The following ZNF496 variants were observed in gnomAD, a reference collection of about 807,000 sequenced individuals.
ZNF496 encodes the protein zinc finger protein 496, also known as NSD1 (nuclear receptor binding SET-domain containing 1)-interacting zinc finger protein 1.
Under a neutral mutation model 58.9 loss-of-function variants are expected in ZNF496, and 11 were observed. The ratio of observed to expected loss-of-function variants is 0.19; its 90% CI spans 0.12 to 0.31. The LOEUF (loss-of-function observed/expected upper bound fraction) is 0.31. Ranked by LOEUF, ZNF496 falls within the 10% of genes least tolerant of loss-of-function variation. The pLI, the probability that ZNF496 is intolerant of heterozygous loss-of-function variation, is 1.00. For missense variants in ZNF496, 660 were observed against 783.0 expected, an observed-to-expected ratio of 0.84 and a Z score of 1.88; for synonymous variants, 338 against 318.2, an observed-to-expected ratio of 1.06 and a Z score of -0.66.
intron 6 of ZNF496, chr1:247,313,690 T>C (rs1453289686): frequency 6.6e-6 from 1 of 152,230 alleles, no homozygotes; most frequent in Non-Finnish European, 1.5e-5. Context: ...ATGTGCAACG[T>C]AGTCTACAAA....
rs112741017 is a variant in ZNF496, at chr1:247,308,376, C to T, written c.1006+99G>A. On this transcript the variant is annotated intron_variant, in intron 9 of 9. Transcript: ENST00000682384. This position sits in a 1 kb window ranked among gnomAD's most constrained non-coding sequence, Gnocchi z 4.5. ...ATGTGTATGCACGCACACATGCATT[C>T]AACACAACCATCCCCTATGCCACAC... 3.5e-3 allele frequency: 3,854 copies of T among 1,111,390 alleles called. 72 individuals carry two copies. In the African/African-American group the frequency reaches 0.043, roughly 12 times the overall value. The allele number at this position is 1,111,390 out of a possible 1,614,324, so 68.8% of individuals were successfully genotyped here.
At chr1:247,328,900 G>A (rs778554453) in intron 4 of ZNF496, 34 bp from the exon 5 acceptor site, 3 of 1,556,468 alleles carry the variant, frequency 1.9e-6, no homozygotes, top group South Asian at 1.2e-5. Context: ...CAGGGCTAGG[G>A]GAAGAGGTCC....
rs531854783 is a variant in ZNF496, at chr1:247,316,135, G to GGGGT, written c.652-5680_652-5679insACCC. On this transcript the variant is annotated intron_variant, in intron 6 of 9. Coordinates refer to ENST00000682384, the MANE Select transcript of ZNF496 (RefSeq NM_032752.3). Reference sequence around the variant, plus strand: ...CTCTGACACGACTTCCTGGGAGAGGGGTGTGTGTGTGTGTGTGTGTGTGTG... The same window carrying GGGGT: ...CTCTGACACGACTTCCTGGGAGAGGGGGGTGTGTGTGTGTGTGTGTGTGTGTGTG... Among the ~76,000 whole-genome samples the GGGGT allele has an allele frequency of 5.0e-5, 7 of 139,926 alleles. No individual in the cohort carries two copies. The East Asian group carries it at 6.7e-4, about 13-fold the overall frequency. The allele number at this position is 139,926 out of a possible 152,430, so 91.8% of individuals were successfully genotyped here.
At chr1:247,317,282 G>A (rs1287969198) in intron 6 of ZNF496, among the ~76,000 whole-genome samples, 1 of 152,126 alleles carries the variant, frequency 6.6e-6, no homozygotes. Context: ...AGCCGAAGGA[G>A]CCAGCTACCA....
At chr1:247,302,689 G>A (rs952176147) in intron 9 of ZNF496, among the ~76,000 whole-genome samples, 2 of 152,070 alleles carry the variant, frequency 1.3e-5, no homozygotes, top group Non-Finnish European at 2.9e-5. Flanking sequence ...CGAGCTGCAG[G>A]AACCTCGTTC....
intron 6 of ZNF496, 93 bp from the exon 7 acceptor site, chr1:247,310,549 G>C (rs35754842): frequency 6.6e-7 from 1 of 1,504,656 alleles, no homozygotes; most frequent in South Asian, 1.2e-5. Flanking sequence ...CAACGCTGTA[G>C]GACGGGCAGT....
At chr1:247,311,660 G>A (rs1659607558) in intron 6 of ZNF496, 1 of 152,170 alleles carries the variant, frequency 6.6e-6, no homozygotes, top group Non-Finnish European at 1.5e-5. Flanking sequence ...ACTGTGTTGG[G>A]AGGTGACCCC....
chr1:247,317,571 C>T (rs913533109), intron 6 of ZNF496, among the ~76,000 whole-genome samples: 5 of 69,706 alleles, frequency 7.2e-5, no homozygotes, highest in African/African-American at 1.8e-4. Flanking sequence ...TAAGAACAAG[C>T]CCCCCCCCCG....
chr1:247,318,928 T>G (rs1471328273), intron 6 of ZNF496, among the ~76,000 whole-genome samples: 2 of 30,658 alleles, frequency 6.5e-5, no homozygotes, highest in Non-Finnish European at 2.9e-4. Flanking sequence ...TTTAAACAAC[T>G]GCATTATAAT....
At chr1:247,322,942 T>C in intron 6 of ZNF496, 1 of 741,864 alleles carries the variant, frequency 1.3e-6, no homozygotes, top group East Asian at 3.0e-5. Context: ...GGTGGCCTGA[T>C]GACAGTAGAC....
In ZNF496 at chr1:247,300,901, T is replaced by C. The variant is rs1160820344; in HGVS notation, c.1382A>G (p.Lys461Arg). ...CCCGCAGGCACCACACCGGTAAGGCTTCTGGGCCTCGTGGCTCTCTAGGTG... is the reference window on the plus strand; with the variant it reads ...CCCGCAGGCACCACACCGGTAAGGCCTCTGGGCCTCGTGGCTCTCTAGGTG... ...DGHLESHEAQ[K>R]PYRCGACGKS... Residue 461 changes from lysine to arginine, a missense_variant, in exon 10 of 10, where the codon AAG becomes AGG. By Grantham distance (26) the Lys-to-Arg change is conservative. Transcript: ENST00000682384. The surrounding 1 kb of genome is among the most constrained non-coding windows in gnomAD (Gnocchi z 5.7). The C allele has an allele frequency of 6.2e-7, 1 of 1,612,870 alleles. No homozygotes were observed. Among genetic ancestry groups the C allele is most frequent in the Admixed American group, 1.7e-5 (1 of 59,996 alleles).
chr1:247,308,701 G>A lies in ZNF496; in HGVS notation c.893-113C>T, dbSNP rs529123651. 43 of 1,007,090 alleles carry A rather than the reference G, an allele frequency of 4.3e-5. No homozygotes were observed. In the South Asian group the frequency reaches 4.8e-4, roughly 11 times the overall value. 62.4% of individuals were successfully genotyped at this position (1,007,090 alleles called of 1,614,324 possible). A position where few individuals can be genotyped will look rare whatever the true frequency, so the allele number is the denominator to read the frequency against. ...CGATCTGGGGGCGGCCCTGGGCTCC[G>A]TCCTGGGGACTGGCAGGGGGTGGCC... On this transcript the variant is annotated intron_variant, in intron 8 of 9. Coordinates refer to ENST00000682384, the MANE Select transcript of ZNF496 (RefSeq NM_032752.3). The surrounding 1 kb of genome is among the most constrained non-coding windows in gnomAD (Gnocchi z 4.5).
intron 9 of ZNF496, chr1:247,307,887 C>T: frequency 1.0e-6 from 1 of 985,396 alleles, no homozygotes; most frequent in Non-Finnish European, 1.2e-6. Flanking sequence ...CAAGACGACT[C>T]AGAGTCTACA....
intron 5 of ZNF496, among the ~76,000 whole-genome samples, chr1:247,327,732 T>C (rs1344054470): frequency 8.8e-4 from 132 of 150,588 alleles, no homozygotes; most frequent in Non-Finnish European, 1.3e-3. Context: ...TAAGAAAGTC[T>C]CCCCTGGCCC....
chr1:247,327,632 A>G (rs1253398319), intron 5 of ZNF496, among the ~76,000 whole-genome samples: 5 of 152,252 alleles, frequency 3.3e-5, no homozygotes, highest in African/African-American at 1.2e-4. Context: ...AGAAGTCAAT[A>G]TAGTTTTTCC....
intron 9 of ZNF496, among the ~76,000 whole-genome samples, chr1:247,305,724 C>T (rs891934157): frequency 2.0e-5 from 3 of 152,188 alleles, no homozygotes; most frequent in African/African-American, 7.2e-5. Context: ...GAAGCTTTCT[C>T]AAGCAAGGCA....
Position 247,300,719 on chromosome 1 carries a change from A to G in ZNF496, c.1564T>C (p.Phe522Leu), listed in dbSNP as rs1204668736. Residue 522 changes from phenylalanine to leucine, a missense_variant, in exon 10 of 10, where the codon TTC (phenylalanine) becomes CTC (leucine). Coordinates refer to ENST00000682384, the MANE Select transcript of ZNF496 (RefSeq NM_032752.3). The surrounding 1 kb of genome is among the most constrained non-coding windows in gnomAD (Gnocchi z 5.7). ...GCCTTCCCACACTCACAGCACTGGA[A>G]GCTCAGTTTGGCCTTGCCGTTTTCC... ...PLENGKAKLSFQCCECGKAFQ... is the reference protein window; with the variant it reads ...PLENGKAKLSLQCCECGKAFQ... 4 of 1,613,720 alleles carry G rather than the reference A, an allele frequency of 2.5e-6. No homozygotes were observed. In the South Asian group the frequency reaches 4.4e-5, roughly 18 times the overall value.
At chr1:247,303,020 G>A (rs779416039) in intron 9 of ZNF496, among the ~76,000 whole-genome samples, 3 of 152,178 alleles carry the variant, frequency 2.0e-5, no homozygotes, top group Non-Finnish European at 2.9e-5. Context: ...TGTTATGGGC[G>A]AAATTGTGTC....
chr1:247,326,082 A>G (rs992026231), intron 5 of ZNF496, among the ~76,000 whole-genome samples: 1 of 150,222 alleles, frequency 6.7e-6, no homozygotes, highest in Non-Finnish European at 1.5e-5. Context: ...ACACACACAC[A>G]CATATATACA....
Sources: allele counts gnomAD v4.1 joint callset (sites outside exome capture counted in the v4.1 genomes callset), GRCh38; gene constraint gnomAD v4.1.1; non-coding constraint Gnocchi (gnomAD v3.1); transcripts MANE v1.5; gene names NCBI Gene and HGNC (gene_info 2026-07-23, HGNC 2026-07-21).